NRXN3: variants seen among roughly 807,000 people sequenced by gnomAD.
NRXN3 encodes the protein neurexin 3, also known as neurexin III.
In NRXN3, 32 loss-of-function variants were observed where a neutral mutation model predicts 137.6. That is an observed-to-expected ratio of 0.23 (90% confidence interval 0.18 to 0.31). The LOEUF (loss-of-function observed/expected upper bound fraction) is 0.31. Among genes scored for constraint, NRXN3 ranks in the 10% least tolerant of loss-of-function variants. NRXN3 has a pLI of 1.00. For synonymous variants in NRXN3, 798 were observed against 784.5 expected, an observed-to-expected ratio of 1.02 and a Z score of -0.29; for missense variants, 1,574 against 2,062.5, an observed-to-expected ratio of 0.76 and a Z score of 4.59.
intron 10 of NRXN3, among the ~76,000 whole-genome samples, chr14:78,851,131 G>T (rs2099041397): frequency 6.6e-6 from 1 of 152,162 alleles, no homozygotes; most frequent in African/African-American, 2.4e-5. Flanking sequence ...TAGTGCAGTA[G>T]ATAATGTCCC....
intron 3 of NRXN3, among the ~76,000 whole-genome samples, chr14:78,291,915 T>G (rs182552548): frequency 6.6e-6 from 1 of 152,376 alleles, no homozygotes; most frequent in African/African-American, 2.4e-5. Context: ...TGAATCTTTT[T>G]CTTTTTTTCT....
chr14:78,722,363 C>T (rs1006116977), intron 8 of NRXN3, among the ~76,000 whole-genome samples: 3 of 152,134 alleles, frequency 2.0e-5, no homozygotes, highest in Non-Finnish European at 4.4e-5. Context: ...ACTGTGTGTG[C>T]TCAAAGCAGC....
chr14:78,902,208 T>C (rs1240549828), intron 10 of NRXN3, among the ~76,000 whole-genome samples: 1 of 152,102 alleles, frequency 6.6e-6, no homozygotes, highest in Non-Finnish European at 1.5e-5. Flanking sequence ...GAATCTCACA[T>C]CCGAGCGCCC....
intron 15 of NRXN3, among the ~76,000 whole-genome samples, chr14:79,351,193 T>C (rs1478162314): frequency 1.3e-5 from 2 of 152,202 alleles, no homozygotes; most frequent in Admixed American, 6.5e-5. Context: ...GTAACGAAGG[T>C]TATAATAAAT....
At chr14:78,823,363 G>GT (rs1229156328) in intron 10 of NRXN3, among the ~76,000 whole-genome samples, 4 of 152,066 alleles carry the variant, frequency 2.6e-5, no homozygotes, top group African/African-American at 9.7e-5. Flanking sequence ...GCTTTGCTGT[G>GT]TGCCCTATAG....
intron 10 of NRXN3, among the ~76,000 whole-genome samples, chr14:78,864,147 T>C (rs1380290860): frequency 6.6e-6 from 1 of 152,130 alleles, no homozygotes; most frequent in Non-Finnish European, 1.5e-5. Context: ...CAGTCAATGA[T>C]TAGGGCAAAA....
intron 8 of NRXN3, among the ~76,000 whole-genome samples, chr14:78,732,345 A>G (rs1226186373): frequency 6.6e-6 from 1 of 152,192 alleles, no homozygotes; most frequent in African/African-American, 2.4e-5. Context: ...GAAACAGGGG[A>G]GGTGCAACTA....
chr14:79,482,463 T>C (rs12589828), intron 16 of NRXN3, among the ~76,000 whole-genome samples: 20,708 of 152,216 alleles, frequency 0.14, 1,817 homozygotes, highest in East Asian at 0.38. Context: ...TCTGGTTCTA[T>C]TTCTACCACC....
intron 15 of NRXN3, among the ~76,000 whole-genome samples, chr14:79,346,126 GT>G (rs2092866067): frequency 6.6e-6 from 1 of 152,062 alleles, no homozygotes; most frequent in Non-Finnish European, 1.5e-5. Flanking sequence ...TATTTAGAAT[GT>G]AAAACACAGC....
chr14:79,519,817 A>G (rs1020588516), intron 16 of NRXN3, among the ~76,000 whole-genome samples: 1 of 140,470 alleles, frequency 7.1e-6, no homozygotes, highest in East Asian at 2.1e-4. Flanking sequence ...TTTGGACTGC[A>G]TACAGTTACA....
At chr14:78,894,198 G>A (rs1198802150) in intron 10 of NRXN3, among the ~76,000 whole-genome samples, 4 of 151,852 alleles carry the variant, frequency 2.6e-5, no homozygotes, top group South Asian at 2.1e-4. Flanking sequence ...TGTAGCATAC[G>A]ATGCTGTTTG....
rs981463174 is a variant in NRXN3, at chr14:79,862,097, T to A, written c.*133T>A. 3 of 758,078 alleles carry A rather than the reference T, an allele frequency of 4.0e-6. No individual in the cohort carries two copies. Among genetic ancestry groups the A allele is most frequent in the Non-Finnish European group, 6.4e-6 (3 of 471,828 alleles). 47.0% of individuals were successfully genotyped at this position (758,078 alleles called of 1,614,324 possible). A position where few individuals can be genotyped will look rare whatever the true frequency, so the allele number is the denominator to read the frequency against. On this transcript the variant is annotated 3_prime_UTR_variant, in exon 21 of 21. Coordinates refer to ENST00000335750, the MANE Select transcript of NRXN3 (RefSeq NM_001330195.2). The stretch of plus-strand genomic sequence containing the variant: ...ATGGGGTATATAACCACGACTCTGG[T>A]GGGGAAAACCGTTTTTTAAAGGACA...
chr14:78,824,467 T>C (rs982414416), intron 10 of NRXN3, among the ~76,000 whole-genome samples: 23 of 152,194 alleles, frequency 1.5e-4, no homozygotes, highest in African/African-American at 5.1e-4. Flanking sequence ...AAGGCATTAG[T>C]GAACACTTAT....
chr14:78,393,939 T>C lies in NRXN3; in HGVS notation c.757+96079T>C, dbSNP rs939772740. Among the ~76,000 whole-genome samples, 5 of 152,000 alleles carry C rather than the reference T, an allele frequency of 3.3e-5. No individual in the cohort carries two copies. The South Asian group carries it at 1.0e-3, about 31-fold the overall frequency. ...GGAATACAACAGACTTTTGTACGTT[T>C]ATCTTGTGTCCTGTGACCTTGCTGA... On this transcript the variant is annotated intron_variant, in intron 4 of 20. Coordinates refer to ENST00000335750, the MANE Select transcript of NRXN3 (RefSeq NM_001330195.2).
At chr14:78,574,935 A>C (rs1262686894) in intron 4 of NRXN3, among the ~76,000 whole-genome samples, 1 of 152,210 alleles carries the variant, frequency 6.6e-6, no homozygotes, top group African/African-American at 2.4e-5. Context: ...GCCCCACCCA[A>C]ATCTCACCTT....
intron 15 of NRXN3, among the ~76,000 whole-genome samples, chr14:79,094,971 A>AGTGTGTGTGT (rs1178553706): frequency 1.4e-4 from 14 of 100,282 alleles, no homozygotes; most frequent in African/African-American, 3.9e-4. Context: ...AGAGAGAGAG[A>AGTGTGTGTGT]GAGAGAGAGT....
chr14:79,163,596 T>C (rs1179996739), intron 15 of NRXN3, among the ~76,000 whole-genome samples: 1 of 151,978 alleles, frequency 6.6e-6, no homozygotes, highest in Non-Finnish European at 1.5e-5. Context: ...TGATATACTC[T>C]GTTTACCCCC....
rs561530798 is a variant in NRXN3, at chr14:79,329,387, G to T, written c.3263-137834G>T. Among the ~76,000 whole-genome samples, 5 of 152,328 alleles carry T rather than the reference G, an allele frequency of 3.3e-5. 1 individual carries two copies. In the South Asian group the frequency reaches 1.0e-3, roughly 32 times the overall value. ...AAATTCAAAGATAAAATTATTAAGT[G>T]TTTCAAGACGGAGAGACAGGAGAAT... On this transcript the variant is annotated intron_variant, in intron 15 of 20. Coordinates refer to ENST00000335750, the MANE Select transcript of NRXN3 (RefSeq NM_001330195.2).
intron 15 of NRXN3, among the ~76,000 whole-genome samples, chr14:79,397,931 T>A (rs969829234): frequency 1.3e-5 from 2 of 152,200 alleles, no homozygotes; most frequent in African/African-American, 2.4e-5. Context: ...TCTTGCTTAA[T>A]GAGGTTCTGT....
Sources: gnomAD v4.1 joint callset for allele counts (sites outside exome capture counted in the v4.1 genomes callset) on GRCh38, gnomAD v4.1.1 for gene constraint, MANE v1.5 for transcripts, NCBI Gene and HGNC (gene_info 2026-07-23, HGNC 2026-07-21) for gene names.